Variants in PATJ observed in about 807,000 individuals in gnomAD.
The protein encoded by PATJ is PATJ crumbs cell polarity complex component.
Under a neutral mutation model 224.9 loss-of-function variants are expected in PATJ, and 190 were observed. The ratio of observed to expected loss-of-function variants is 0.84; its 90% CI spans 0.75 to 0.95. PATJ has a LOEUF of 0.95. PATJ is among the 40% of genes least tolerant of loss of function. The probability of loss-of-function intolerance (pLI) is 0.00; values close to 1 mark genes in which losing one functional copy is unlikely to be tolerated. For missense variants in PATJ, 2,121 were observed against 2,270.3 expected, an observed-to-expected ratio of 0.93 and a Z score of 1.34; for synonymous variants, 769 against 820.3, an observed-to-expected ratio of 0.94 and a Z score of 1.07.
chr1:61,993,361 C>T (rs1490132562), intron 28 of PATJ, among the ~76,000 whole-genome samples: 1 of 152,112 alleles, frequency 6.6e-6, no homozygotes, highest in African/African-American at 2.4e-5. Flanking sequence ...TGCTACCCAC[C>T]AGACAGGTCC....
chr1:62,000,070 G>T (rs1429999745), intron 28 of PATJ, among the ~76,000 whole-genome samples: 1 of 151,900 alleles, frequency 6.6e-6, no homozygotes, highest in East Asian at 1.9e-4. Flanking sequence ...TGTATTTTTA[G>T]TAGAGATGGG....
chr1:62,087,040 G>A (rs1021111990), intron 33 of PATJ, among the ~76,000 whole-genome samples: 2 of 152,178 alleles, frequency 1.3e-5, no homozygotes, highest in African/African-American at 4.8e-5. Context: ...CACCAGGGAG[G>A]GCAAAGGGCC....
intron 25 of PATJ, among the ~76,000 whole-genome samples, chr1:61,912,575 T>C (rs1672817832): frequency 6.7e-6 from 1 of 150,268 alleles, no homozygotes; most frequent in African/African-American, 2.5e-5. Flanking sequence ...CACTCCAGCC[T>C]GGGTGACAGA....
chr1:62,016,339 TGAAAG>T (rs1345603447), intron 28 of PATJ, among the ~76,000 whole-genome samples: 1 of 152,212 alleles, frequency 6.6e-6, no homozygotes, highest in Non-Finnish European at 1.5e-5. Context: ...TTAGATGTCT[TGAAAG>T]GAACATCAGG....
At chr1:62,102,375 C>T (rs1361505539) in intron 33 of PATJ, among the ~76,000 whole-genome samples, 2 of 152,030 alleles carry the variant, frequency 1.3e-5, no homozygotes, top group African/African-American at 2.4e-5. Context: ...AGTTCTGTGC[C>T]GTTAATTGAT....
intron 6 of PATJ, 98 bp downstream of exon 6, chr1:61,771,724 C>CTTTT: frequency 1.4e-6 from 1 of 737,748 alleles, no homozygotes; most frequent in Non-Finnish European, 2.0e-6. Context: ...CCTTTCTTTC[C>CTTTT]TTTTTTTTTT....
intron 11 of PATJ, among the ~76,000 whole-genome samples, chr1:61,800,783 A>G (rs1365243831): frequency 2.0e-5 from 3 of 151,914 alleles, no homozygotes; most frequent in Non-Finnish European, 4.4e-5. Flanking sequence ...CCTGTGTCCA[A>G]GTGTTCTCAT....
chr1:62,107,148 T>C (rs553532257), intron 33 of PATJ, among the ~76,000 whole-genome samples: 1 of 151,816 alleles, frequency 6.6e-6, no homozygotes, highest in African/African-American at 2.4e-5. Context: ...CTACTAAAAA[T>C]ACAAAAAATT....
intron 31 of PATJ, among the ~76,000 whole-genome samples, chr1:62,078,285 A>G (rs1186246407): frequency 6.6e-6 from 1 of 152,034 alleles, no homozygotes; most frequent in Non-Finnish European, 1.5e-5. Context: ...GTATGTATGT[A>G]TGTATTTATT....
rs188659173 is a variant in PATJ, at chr1:62,137,946, C to A, written c.5271+9001C>A. Among the ~76,000 whole-genome samples, 443 of 152,198 alleles carry A rather than the reference C, an allele frequency of 2.9e-3. 2 individuals are homozygous for A. The highest frequency in any genetic ancestry group is 0.01 in the African/African-American group (419 of 41,526). The stretch of plus-strand genomic sequence containing the variant: ...TTCTCCACCTCTTCCTTCAGGTTCA[C>A]AGTCTCCTCTTCCTCGGATGAGGAG... On this transcript the variant is annotated intron_variant, in intron 41 of 43. Transcript: ENST00000642238.
chr1:62,017,742 AAAAAAGAAAAG>A (rs1558046252), intron 28 of PATJ, 103 bp from the exon 29 acceptor site: 76 of 578,392 alleles, frequency 1.3e-4, no homozygotes, highest in Admixed American at 3.0e-4. Context: ...AAAAAAAAAA[AAAAAAGAAAAG>A]AAAAGAAAAG....
At position 61,796,680 on chromosome 1, in the gene PATJ, TTCTTTCTTTC is replaced by T. The variant is rs749741415; in HGVS notation, c.1261-605_1261-596del. On this transcript the variant is annotated intron_variant, in intron 10 of 43. Transcript: ENST00000642238. ...TTATTTTCTTTCTTTCTTTCTTTCT[TTCTTTCTTTC>T]TTTCTTTCTTTCTTTCTTTCTTTCT... Among the ~76,000 whole-genome samples, 116 of 39,910 alleles carry T rather than the reference TTCTTTCTTTC, an allele frequency of 2.9e-3. 1 individual carries two copies. The highest frequency in any genetic ancestry group is 0.022 in the East Asian group (36 of 1,646). The allele number at this position is 39,910 out of a possible 152,430, so 26.2% of individuals were successfully genotyped here. A position where few individuals can be genotyped will look rare whatever the true frequency, so the allele number is the denominator to read the frequency against.
intron 24 of PATJ, among the ~76,000 whole-genome samples, chr1:61,905,769 A>C (rs1671768899): frequency 6.6e-6 from 1 of 151,896 alleles, no homozygotes; most frequent in Non-Finnish European, 1.5e-5. Flanking sequence ...TTACTCTCAC[A>C]CTCAAAACAG....
At chr1:61,746,900 T>C (rs1645050776) in intron 1 of PATJ, among the ~76,000 whole-genome samples, 1 of 152,258 alleles carries the variant, frequency 6.6e-6, no homozygotes, top group African/African-American at 2.4e-5. Flanking sequence ...TATGTTCTCA[T>C]AGTGAATTCA....
chr1:62,122,918 C>G, intron 38 of PATJ, 103 bp from the exon 39 acceptor site: 1 of 676,990 alleles, frequency 1.5e-6, no homozygotes, highest in East Asian at 3.2e-5. Context: ...AGTGTCTTCT[C>G]TTGAAAGACC....
chr1:61,788,943 G>A (rs1388814509), intron 8 of PATJ, among the ~76,000 whole-genome samples: 1 of 136,270 alleles, frequency 7.3e-6, no homozygotes, highest in Non-Finnish European at 1.6e-5. Context: ...CAAAGTGCTA[G>A]GATTACAGGC....
intron 17 of PATJ, among the ~76,000 whole-genome samples, chr1:61,839,105 T>A (rs951342233): frequency 6.6e-6 from 1 of 152,036 alleles, no homozygotes; most frequent in African/African-American, 2.4e-5. Context: ...CAGGTCTTTT[T>A]TTTTCTTTCT....
At chr1:62,092,504 T>C (rs960614711) in intron 33 of PATJ, among the ~76,000 whole-genome samples, 6 of 151,778 alleles carry the variant, frequency 4.0e-5, no homozygotes, top group Non-Finnish European at 8.8e-5. Context: ...GTCTCACTCT[T>C]GTCGTCCAGG....
chr1:61,808,474 G>C lies in PATJ; in HGVS notation c.1627G>C (p.Val543Leu). 2 of 1,597,656 alleles carry C rather than the reference G, an allele frequency of 1.3e-6. No individual in the cohort carries two copies. The highest frequency in any genetic ancestry group is 2.2e-5 in the South Asian group (2 of 90,006). ...NLLGPDYEVM[V>L]ATLDTQIADD... is the part of the protein sequence containing the mutation. ...CTGGAAATTTTTTTTGTAAATTTAG[G>C]TTGCTACTTTGGACACACAGATTGC... The change falls in exon 14 of 44, where the codon GTT (valine) becomes CTT (leucine). Residue 543 changes from valine (V) to leucine (L), a missense_variant and splice_region_variant. Coordinates refer to ENST00000642238, the MANE Select transcript of PATJ (RefSeq NM_001350145.3).
Sources: allele counts gnomAD v4.1 joint callset (sites outside exome capture counted in the v4.1 genomes callset), GRCh38; gene constraint gnomAD v4.1.1; transcripts MANE v1.5; gene names NCBI Gene and HGNC (gene_info 2026-07-23, HGNC 2026-07-21).